GNB1: variants seen among roughly 807,000 people sequenced by gnomAD.
The protein encoded by GNB1 is G protein subunit beta 1.
In GNB1, 2 loss-of-function variants were observed where a neutral mutation model predicts 42.9. That is an observed-to-expected ratio of 0.05 (90% CI 0.02 to 0.15). The LOEUF is 0.15. Ranked by LOEUF, GNB1 falls within the 10% of genes least tolerant of loss-of-function variation. The pLI is 1.00. For synonymous variants in GNB1, 183 were observed against 174.7 expected, an observed-to-expected ratio of 1.05 and a Z score of -0.38; for missense variants, 193 against 462.2, an observed-to-expected ratio of 0.42 and a Z score of 5.34.
In GNB1 at chr1:1,878,215, C is replaced by T. The variant is rs78934919; in HGVS notation, c.-96+12605G>A. On this transcript the variant is annotated intron_variant, in intron 1 of 11. Transcript: ENST00000378609. ...GTGCAAGAAAGATACCCAACAAATG[C>T]GAGCTAATGGCACAGGCATCTTCAA... 7.2e-5 allele frequency among the ~76,000 whole-genome samples: 11 copies of T among 152,152 alleles called. No homozygotes were observed. In the South Asian group the frequency reaches 1.2e-3, roughly 17 times the overall value.
chr1:1,803,616 C>G (rs1302602594), intron 7 of GNB1, among the ~76,000 whole-genome samples: 4 of 152,194 alleles, frequency 2.6e-5, no homozygotes, highest in Non-Finnish European at 5.9e-5. Flanking sequence ...AAAGGCATAT[C>G]AGGCTTGTTT....
chr1:1,815,684 G>A, intron 5 of GNB1, 72 bp downstream of exon 5: 1 of 821,330 alleles, frequency 1.2e-6, no homozygotes, highest in Non-Finnish European at 2.1e-6. Flanking sequence ...ATGGGTTCAG[G>A]TACTTTTCCC....
intron 3 of GNB1, among the ~76,000 whole-genome samples, chr1:1,824,111 A>G (rs1217544031): frequency 2.0e-5 from 3 of 152,218 alleles, no homozygotes; most frequent in Non-Finnish European, 4.4e-5. Context: ...AGCAAACAAG[A>G]GTAAGAGAAA....
chr1:1,828,087 G>T (rs1179972226), intron 2 of GNB1, among the ~76,000 whole-genome samples: 1 of 152,200 alleles, frequency 6.6e-6, no homozygotes, highest in Non-Finnish European at 1.5e-5. Context: ...TTGGGAGGCT[G>T]CGGACAACGG....
chr1:1,826,307 C>T (rs1164135873), intron 2 of GNB1, among the ~76,000 whole-genome samples: 1 of 152,178 alleles, frequency 6.6e-6, no homozygotes, highest in Non-Finnish European at 1.5e-5. Context: ...ATCCCAACTA[C>T]TTGGGAGGCT....
chr1:1,803,412 G>A (rs1262359032), intron 7 of GNB1, among the ~76,000 whole-genome samples: 1 of 152,166 alleles, frequency 6.6e-6, no homozygotes, highest in Non-Finnish European at 1.5e-5. Context: ...TCCTCCTGAG[G>A]AGCTGGGACC....
chr1:1,886,557 A>G (rs1201492190), intron 1 of GNB1, among the ~76,000 whole-genome samples: 1 of 152,180 alleles, frequency 6.6e-6, no homozygotes, highest in Non-Finnish European at 1.5e-5. Flanking sequence ...AGTTTCATAA[A>G]TTTCTGATAG....
At position 1,891,014 on chromosome 1, in the gene GNB1, C is replaced by CCCG. The variant is rs888273416; in HGVS notation, c.-293_-291dup. 352 of 153,378 alleles carry CCCG rather than the reference C, an allele frequency of 2.3e-3. 3 individuals are homozygous for CCCG. The highest frequency in any genetic ancestry group is 9.3e-3 in the South Asian group (53 of 5,708). The allele number at this position is 153,378 out of a possible 1,614,324, so 9.5% of individuals were successfully genotyped here. Reference sequence around the variant, plus strand: ...TCCCCACTCGCCGCCCGCTCCCGCTCCCGCCGCCGCCGCCGCCGCCTCCGT... The same window carrying CCCG: ...TCCCCACTCGCCGCCCGCTCCCGCTCCCGCCGCCGCCGCCGCCGCCGCCTCCGT... On this transcript the variant is annotated 5_prime_UTR_variant, in exon 1 of 12. Transcript: ENST00000378609.
intron 5 of GNB1, among the ~76,000 whole-genome samples, chr1:1,814,884 G>T (rs552379160): frequency 4.0e-4 from 61 of 151,456 alleles, no homozygotes; most frequent in African/African-American, 1.4e-3. Context: ...AGGCCGAGGC[G>T]GGTGGATCGT....
intron 1 of GNB1, among the ~76,000 whole-genome samples, chr1:1,889,683 C>A (rs1650363834): frequency 6.7e-6 from 1 of 149,932 alleles, no homozygotes; most frequent in Non-Finnish European, 1.5e-5. Context: ...AAAAAGGCTT[C>A]CATGAAGATG....
At chr1:1,868,330 C>G (rs1046889610) in intron 1 of GNB1, among the ~76,000 whole-genome samples, 22 of 152,276 alleles carry the variant, frequency 1.4e-4, no homozygotes, top group African/African-American at 5.3e-4. Context: ...CATGAGCCAC[C>G]ACATCCAACT....
intron 1 of GNB1, among the ~76,000 whole-genome samples, chr1:1,877,719 A>C (rs894939842): frequency 5.9e-5 from 9 of 152,194 alleles, no homozygotes; most frequent in Admixed American, 3.9e-4. Flanking sequence ...CAACAGGAAC[A>C]AGATCTCCAG....
At chr1:1,850,375 G>C (rs1647916457) in intron 1 of GNB1, among the ~76,000 whole-genome samples, 1 of 151,776 alleles carries the variant, frequency 6.6e-6, no homozygotes, top group Non-Finnish European at 1.5e-5. Context: ...CAGGTGATCT[G>C]CCCACCTCGG....
intron 3 of GNB1, among the ~76,000 whole-genome samples, chr1:1,822,856 T>C (rs887391682): frequency 1.3e-5 from 2 of 152,202 alleles, no homozygotes; most frequent in African/African-American, 2.4e-5. Flanking sequence ...GTCCACTATT[T>C]GTGAACAACT....
At chr1:1,868,399 A>G (rs963392237) in intron 1 of GNB1, among the ~76,000 whole-genome samples, 3 of 150,906 alleles carry the variant, frequency 2.0e-5, no homozygotes, top group Non-Finnish European at 1.5e-5. Context: ...CTGGTCTCAA[A>G]CTCCTGGCAA....
chr1:1,848,174 T>C (rs1647774588), intron 1 of GNB1, among the ~76,000 whole-genome samples: 1 of 151,598 alleles, frequency 6.6e-6, no homozygotes, highest in African/African-American at 2.4e-5. Context: ...GATCAGGTGT[T>C]CCAGACCACC....
chr1:1,856,491 G>C (rs1213636888), intron 1 of GNB1, among the ~76,000 whole-genome samples: 1 of 152,028 alleles, frequency 6.6e-6, no homozygotes, highest in African/African-American at 2.4e-5. Context: ...GCAGTGGCCT[G>C]ATCTCAGCTC....
intron 1 of GNB1, among the ~76,000 whole-genome samples, chr1:1,880,382 C>A (rs1355115640): frequency 2.6e-5 from 4 of 151,886 alleles, no homozygotes; most frequent in African/African-American, 9.7e-5. Context: ...AGGCGGATCA[C>A]GAGGTCAGGA....
At chr1:1,840,760 G>A (rs1647220990) in intron 1 of GNB1, among the ~76,000 whole-genome samples, 3 of 152,218 alleles carry the variant, frequency 2.0e-5, no homozygotes, top group Admixed American at 2.0e-4. Context: ...CCAGTGCCTG[G>A]CCCTGGTGCC....
Sources: allele counts gnomAD v4.1 joint callset (sites outside exome capture counted in the v4.1 genomes callset), GRCh38; gene constraint gnomAD v4.1.1; transcripts MANE v1.5; gene names NCBI Gene and HGNC (gene_info 2026-07-23, HGNC 2026-07-21).